Variants in KHDRBS2 observed in about 807,000 individuals in gnomAD.
KHDRBS2 encodes KH domain-containing, RNA-binding, signal transduction-associated protein 2.
Under a neutral mutation model 44.3 loss-of-function variants are expected in KHDRBS2, and 26 were observed. The ratio of observed to expected loss-of-function variants is 0.59; its 90% CI spans 0.43 to 0.81. The LOEUF is 0.81. Among genes scored for constraint, KHDRBS2 ranks in the 40% least tolerant of loss-of-function variants. KHDRBS2 has a pLI of 0.00. For missense variants in KHDRBS2, 476 were observed against 433.1 expected (o/e 1.10, Z -0.88); for synonymous variants, 194 against 151.1 (o/e 1.28, Z -2.08).
chr6:61,606,386 C>T, the KHDRBS2 span, among the ~76,000 whole-genome samples: 377 of 152,226 alleles, frequency 2.5e-3, no homozygotes, highest in Admixed American at 5.4e-3. Context: ...CAAAAATGAA[C>T]GGGCCAAGGG....
rs182608803 is a variant in KHDRBS2 at position 62,163,023 on chromosome 6, C to A, written c.219+14162G>T. On this transcript the variant is annotated intron_variant, in intron 2 of 8. Transcript: ENST00000281156. ...AGTAAGTCTTGGAGAGAGGTCTTGG[C>A]TGGATCAGAAACTTATGTAAGGGCA... Among the ~76,000 whole-genome samples, 60 of 152,036 alleles carry A rather than the reference C, an allele frequency of 3.9e-4. 3 individuals are homozygous for A. The East Asian group carries it at 0.01, about 26-fold the overall frequency.
chr6:61,597,249 A>G, the KHDRBS2 span, among the ~76,000 whole-genome samples: 1 of 152,202 alleles, frequency 6.6e-6, no homozygotes, highest in Non-Finnish European at 1.5e-5. Flanking sequence ...TCTTTTACAA[A>G]GAGTTTAAAA....
intron 2 of KHDRBS2, among the ~76,000 whole-genome samples, chr6:62,160,742 C>T (rs185628910): frequency 6.6e-6 from 1 of 152,060 alleles, no homozygotes; most frequent in East Asian, 1.9e-4. Context: ...AGCATAAGAG[C>T]CCAGTTGAGA....
At chr6:61,737,287 A>G (rs1249735185) in intron 6 of KHDRBS2, among the ~76,000 whole-genome samples, 2 of 152,096 alleles carry the variant, frequency 1.3e-5, no homozygotes, top group South Asian at 2.1e-4. Flanking sequence ...AACTTTCATA[A>G]AGCATATAGT....
the KHDRBS2 span, among the ~76,000 whole-genome samples, chr6:61,557,673 T>A: frequency 6.4e-4 from 98 of 152,318 alleles, 1 homozygote; most frequent in Middle Eastern, 0.014. Flanking sequence ...AGTATTCTCT[T>A]CTCTATTTTT....
At chr6:61,988,569 T>C (rs1775511939) in intron 3 of KHDRBS2, among the ~76,000 whole-genome samples, 1 of 151,648 alleles carries the variant, frequency 6.6e-6, no homozygotes, top group Non-Finnish European at 1.5e-5. Context: ...AAATGGGGAG[T>C]AGGTGCTGGG....
chr6:62,237,742 A>G (rs1046161260), intron 1 of KHDRBS2, among the ~76,000 whole-genome samples: 4 of 152,172 alleles, frequency 2.6e-5, no homozygotes, highest in African/African-American at 9.7e-5. Flanking sequence ...ACTGTCTCAT[A>G]TCAAGAAAAA....
the KHDRBS2 span, among the ~76,000 whole-genome samples, chr6:61,631,305 C>CAAAAAA: frequency 3.3e-4 from 22 of 66,990 alleles, 2 homozygotes; most frequent in East Asian, 5.3e-4. Context: ...ACGAATAAGC[C>CAAAAAA]AAAAAAAAAA....
At chr6:62,279,114 A>C (rs1256485907) in intron 1 of KHDRBS2, among the ~76,000 whole-genome samples, 2 of 151,836 alleles carry the variant, frequency 1.3e-5, no homozygotes, top group African/African-American at 4.8e-5. Context: ...TAAATAAATA[A>C]ATAAAAATAA....
intron 2 of KHDRBS2, among the ~76,000 whole-genome samples, chr6:62,087,409 A>T (rs545745147): frequency 2.3e-4 from 35 of 152,224 alleles, no homozygotes; most frequent in Non-Finnish European, 4.3e-4. Context: ...AGACAATTTC[A>T]TAAATTTAGA....
intron 6 of KHDRBS2, among the ~76,000 whole-genome samples, chr6:61,871,190 C>A (rs1476036069): frequency 6.6e-6 from 1 of 152,104 alleles, no homozygotes; most frequent in African/African-American, 2.4e-5. Flanking sequence ...GAAAAACCAG[C>A]ATGAGAACTT....
At chr6:62,139,574 T>G (rs1247787211) in intron 2 of KHDRBS2, among the ~76,000 whole-genome samples, 2 of 151,856 alleles carry the variant, frequency 1.3e-5, no homozygotes, top group Non-Finnish European at 2.9e-5. Flanking sequence ...AAAAAGAAAT[T>G]TATATGTAAT....
intron 6 of KHDRBS2, among the ~76,000 whole-genome samples, chr6:61,813,557 G>C (rs1562232633): frequency 6.6e-6 from 1 of 152,170 alleles, no homozygotes; most frequent in Non-Finnish European, 1.5e-5. Context: ...AATATTAGAA[G>C]AGTATGCGTT....
At chr6:61,935,727 C>A (rs1321847086) in intron 4 of KHDRBS2, among the ~76,000 whole-genome samples, 2 of 152,012 alleles carry the variant, frequency 1.3e-5, no homozygotes, top group Non-Finnish European at 2.9e-5. Flanking sequence ...TTAGTGCAAT[C>A]TACTCATTTT....
At chr6:62,119,152 A>C (rs1807003863) in intron 2 of KHDRBS2, among the ~76,000 whole-genome samples, 1 of 152,174 alleles carries the variant, frequency 6.6e-6, no homozygotes. Flanking sequence ...CAAAATGCTA[A>C]GGACTCTACT....
intron 1 of KHDRBS2, among the ~76,000 whole-genome samples, chr6:62,273,377 T>C (rs1840387648): frequency 6.6e-6 from 1 of 152,172 alleles, no homozygotes; most frequent in Non-Finnish European, 1.5e-5. Flanking sequence ...AGTCTGTTCT[T>C]TGTTGCCAAA....
chr6:61,622,323 C>G, the KHDRBS2 span, among the ~76,000 whole-genome samples: 9 of 152,288 alleles, frequency 5.9e-5, no homozygotes, highest in African/African-American at 1.7e-4. Context: ...CTCATCTCCC[C>G]TTTTTGGCTA....
At chr6:61,554,991 G>A in the KHDRBS2 span, among the ~76,000 whole-genome samples, 2 of 152,066 alleles carry the variant, frequency 1.3e-5, no homozygotes, top group Non-Finnish European at 2.9e-5. Context: ...GTGTCCTGGA[G>A]GTGGTCTTCT....
At chr6:61,618,851 G>A in the KHDRBS2 span, among the ~76,000 whole-genome samples, 1 of 152,152 alleles carries the variant, frequency 6.6e-6, no homozygotes, top group East Asian at 1.9e-4. Context: ...GATATCTATA[G>A]ATCCGATCTT....
Sources: allele counts gnomAD v4.1 joint callset (sites outside exome capture counted in the v4.1 genomes callset), GRCh38; gene constraint gnomAD v4.1.1; transcripts MANE v1.5; gene names NCBI Gene and HGNC (gene_info 2026-07-23, HGNC 2026-07-21).